The following ANKS1B variants were observed in gnomAD, a reference collection of about 807,000 sequenced individuals.
ANKS1B encodes ankyrin repeat and sterile alpha motif domain containing 1B, also known as ankyrin repeat and sterile alpha motif domain-containing protein 1B.
ANKS1B carries 36 observed loss-of-function variants against 148.3 expected under a neutral mutation model. The observed-to-expected ratio is 0.24, with a 90% CI of 0.19 to 0.32. ANKS1B has a LOEUF of 0.32. Ranked by LOEUF, ANKS1B falls within the 10% of genes least tolerant of loss-of-function variation. The pLI is 1.00. For synonymous variants in ANKS1B, 542 were observed against 560.8 expected (o/e 0.97, Z 0.47); for missense variants, 1,157 against 1,542.6 (o/e 0.75, Z 4.19).
intron 25 of ANKS1B, among the ~76,000 whole-genome samples, chr12:98,754,672 C>CTACT (rs1429956550): frequency 2.6e-5 from 4 of 152,198 alleles, no homozygotes; most frequent in Non-Finnish European, 4.4e-5. Flanking sequence ...AAAGCGAGAT[C>CTACT]TACTTAAAGC....
chr12:99,450,506 T>C (rs765752778), intron 10 of ANKS1B, among the ~76,000 whole-genome samples: 9 of 152,200 alleles, frequency 5.9e-5, no homozygotes, highest in Non-Finnish European at 1.2e-4. Flanking sequence ...CCCTGCAAAC[T>C]GTAAGCCAAC....
At chr12:98,941,467 G>A (rs1012429364) in intron 17 of ANKS1B, among the ~76,000 whole-genome samples, 6 of 152,178 alleles carry the variant, frequency 3.9e-5, no homozygotes, top group East Asian at 1.9e-4. Flanking sequence ...GTTTGACTTC[G>A]CCTGGGCATG....
intron 11 of ANKS1B, among the ~76,000 whole-genome samples, chr12:99,436,219 T>C (rs2095458457): frequency 6.6e-6 from 1 of 151,978 alleles, no homozygotes; most frequent in Non-Finnish European, 1.5e-5. Context: ...GTATTCCACC[T>C]CGATTATTTT....
At chr12:99,058,959 G>T (rs938094717) in intron 16 of ANKS1B, among the ~76,000 whole-genome samples, 1 of 151,130 alleles carries the variant, frequency 6.6e-6, no homozygotes, top group Non-Finnish European at 1.5e-5. Flanking sequence ...GGATGGTCTC[G>T]ATCTCCTGAC....
In ANKS1B at chr12:99,784,164, C is replaced by T. The variant is rs1016769805; in HGVS notation, c.670-2067G>A. Reference sequence around the variant, plus strand: ...TACCCTATGCTCCAGGCATACTGAACTTTCTTTTTTTTTTTTTTTTTTTTT... The same window carrying T: ...TACCCTATGCTCCAGGCATACTGAATTTTCTTTTTTTTTTTTTTTTTTTTT... On this transcript the variant is annotated intron_variant, in intron 4 of 26. Transcript: ENST00000683438. 5.6e-5 allele frequency among the ~76,000 whole-genome samples: 8 copies of T among 143,046 alleles called. No homozygotes were observed. In the Admixed American group the frequency reaches 5.9e-4, roughly 10 times the overall value. The allele number at this position is 143,046 out of a possible 152,430, so 93.8% of individuals were successfully genotyped here. A position where few individuals can be genotyped will look rare whatever the true frequency, so the allele number is the denominator to read the frequency against.
intron 14 of ANKS1B, among the ~76,000 whole-genome samples, chr12:99,184,584 T>G (rs536467824): frequency 2.0e-5 from 3 of 152,344 alleles, no homozygotes; most frequent in Admixed American, 6.5e-5. Context: ...CTGTTTTGTC[T>G]ATTTCAAAAT....
At chr12:99,652,158 A>C (rs1229904847) in intron 9 of ANKS1B, among the ~76,000 whole-genome samples, 1 of 152,042 alleles carries the variant, frequency 6.6e-6, no homozygotes, top group South Asian at 2.1e-4. Flanking sequence ...ACAGACACAC[A>C]CACACACACA....
chr12:99,825,444 A>G, intron 1 of ANKS1B, 55 bp from the exon 2 acceptor site: 1 of 1,408,474 alleles, frequency 7.1e-7, no homozygotes, highest in Non-Finnish European at 9.8e-7. Context: ...TTGCCTTGAA[A>G]AACAAAAAGA....
intron 14 of ANKS1B, among the ~76,000 whole-genome samples, chr12:99,177,498 G>A (rs973442746): frequency 2.6e-5 from 4 of 152,218 alleles, no homozygotes; most frequent in Admixed American, 1.3e-4. Context: ...ACATGTCCCT[G>A]ATGATCTATG....
intron 17 of ANKS1B, among the ~76,000 whole-genome samples, chr12:99,016,982 C>T (rs2099942961): frequency 6.6e-6 from 1 of 152,120 alleles, no homozygotes; most frequent in Admixed American, 6.6e-5. Flanking sequence ...AGTAAAGAGT[C>T]TTGCTTTTAG....
chr12:99,176,288 G>GT (rs1036237776), intron 14 of ANKS1B, among the ~76,000 whole-genome samples: 2 of 152,098 alleles, frequency 1.3e-5, no homozygotes, highest in Non-Finnish European at 2.9e-5. Context: ...CATTTACAAT[G>GT]TTTTTTGTCT....
At chr12:98,792,347 C>G (rs556365933) in intron 22 of ANKS1B, among the ~76,000 whole-genome samples, 3 of 152,180 alleles carry the variant, frequency 2.0e-5, no homozygotes, top group African/African-American at 7.2e-5. Flanking sequence ...TGTACATATT[C>G]ATGGGGCACA....
chr12:98,736,056 G>A (rs924667288), intron 9 of ANKS1B, among the ~76,000 whole-genome samples: 14 of 152,200 alleles, frequency 9.2e-5, no homozygotes, highest in Non-Finnish European at 1.5e-5. Context: ...AGTGTGAGGA[G>A]TCTAACAGGA....
chr12:99,352,393 T>G (rs2091514929), intron 12 of ANKS1B, among the ~76,000 whole-genome samples: 1 of 151,944 alleles, frequency 6.6e-6, no homozygotes, highest in African/African-American at 2.4e-5. Context: ...TCAAGCATTC[T>G]GATGAGGATC....
chr12:99,554,971 T>G (rs969721688), intron 9 of ANKS1B, among the ~76,000 whole-genome samples: 4 of 152,166 alleles, frequency 2.6e-5, no homozygotes, highest in Non-Finnish European at 5.9e-5. Flanking sequence ...GTTCCTGTGT[T>G]AGTTTGCTTA....
chr12:98,883,723 A>T (rs2152537422), intron 17 of ANKS1B, among the ~76,000 whole-genome samples: 1 of 152,352 alleles, frequency 6.6e-6, no homozygotes, highest in East Asian at 1.9e-4. Flanking sequence ...GAAAGCCCAG[A>T]GAGATTGAGT....
intron 4 of ANKS1B, among the ~76,000 whole-genome samples, chr12:99,797,789 T>C (rs1230559871): frequency 6.6e-6 from 1 of 151,922 alleles, no homozygotes; most frequent in African/African-American, 2.4e-5. Flanking sequence ...CTCTCATTGA[T>C]TGGAAATGCC....
intron 15 of ANKS1B, chr12:99,104,887 G>A (rs2058795224): frequency 6.6e-6 from 1 of 152,176 alleles, no homozygotes; most frequent in East Asian, 1.9e-4. Context: ...CTACTTATGT[G>A]TTTCTCTGCC....
chr12:99,337,259 C>T (rs1174848887), intron 12 of ANKS1B, among the ~76,000 whole-genome samples: 1 of 151,824 alleles, frequency 6.6e-6, no homozygotes, highest in Non-Finnish European at 1.5e-5. Context: ...CTTTCTTCTG[C>T]TTGATCAATT....
Sources: gnomAD v4.1 joint callset for allele counts (sites outside exome capture counted in the v4.1 genomes callset) on GRCh38, gnomAD v4.1.1 for gene constraint, MANE v1.5 for transcripts, NCBI Gene and HGNC (gene_info 2026-07-23, HGNC 2026-07-21) for gene names.